The following SCAI variants were observed in gnomAD, a reference collection of about 807,000 sequenced individuals.
The protein encoded by SCAI is protein SCAI.
Under a neutral mutation model 92.2 loss-of-function variants are expected in SCAI, and 24 were observed. That is an observed-to-expected ratio of 0.26 (90% CI 0.19 to 0.37). SCAI has a LOEUF of 0.37. Ranked by LOEUF, SCAI falls within the 10% of genes least tolerant of loss-of-function variation. SCAI has a pLI of 1.00. For synonymous variants in SCAI, 261 were observed against 258.6 expected, an observed-to-expected ratio of 1.01 and a Z score of -0.09; for missense variants, 450 against 736.2, an observed-to-expected ratio of 0.61 and a Z score of 4.50.
intron 3 of SCAI, among the ~76,000 whole-genome samples, chr9:125,046,348 T>TGTGG: frequency 9.0e-6 from 1 of 111,464 alleles, no homozygotes; most frequent in African/African-American, 3.4e-5. Context: ...TATATGTGTG[T>TGTGG]GTGTGTATAT....
chr9:124,963,757 CAAAAAAA>C (rs36017738), intron 17 of SCAI, among the ~76,000 whole-genome samples: 99 of 52,282 alleles, frequency 1.9e-3, no homozygotes, highest in East Asian at 0.011. Context: ...GAATCTGTCT[CAAAAAAA>C]AAAAAAAAAA....
chr9:124,995,202 A>T (rs1356193014), intron 13 of SCAI, among the ~76,000 whole-genome samples, 187 bp from the exon 14 acceptor site: 1 of 152,212 alleles, frequency 6.6e-6, no homozygotes, highest in Non-Finnish European at 1.5e-5. Context: ...TTTGGAGAAA[A>T]AAAAAAAAGT....
chr9:125,021,603 A>T (rs1359871399), intron 6 of SCAI, among the ~76,000 whole-genome samples: 2 of 152,168 alleles, frequency 1.3e-5, no homozygotes, highest in African/African-American at 4.8e-5. Flanking sequence ...CCAATCATCA[A>T]TTCAAACCTG....
chr9:125,074,487 AC>A (rs1834047390), intron 2 of SCAI, among the ~76,000 whole-genome samples: 1 of 148,422 alleles, frequency 6.7e-6, no homozygotes. Context: ...CGAACTCCTG[AC>A]CTCAAGTGAT....
chr9:125,077,965 C>A (rs371005951), intron 2 of SCAI, among the ~76,000 whole-genome samples: 4 of 113,392 alleles, frequency 3.5e-5, no homozygotes, highest in African/African-American at 1.2e-4. Flanking sequence ...GTGATCCACA[C>A]CCCCCCCGCC....
chr9:125,088,805 T>A (rs1048276907), intron 2 of SCAI, among the ~76,000 whole-genome samples: 33 of 152,116 alleles, frequency 2.2e-4, no homozygotes, highest in African/African-American at 7.7e-4. Context: ...AAAAATAAAG[T>A]GCTTTTGAAA....
At chr9:125,108,674 G>A (rs1356515540) in intron 2 of SCAI, among the ~76,000 whole-genome samples, 4 of 145,410 alleles carry the variant, frequency 2.8e-5, no homozygotes, top group South Asian at 2.3e-4. Flanking sequence ...CCCTCCGCCC[G>A]GCAGCCGCCC....
intron 2 of SCAI, among the ~76,000 whole-genome samples, chr9:125,113,071 A>T (rs1052044172): frequency 6.6e-6 from 1 of 152,256 alleles, no homozygotes; most frequent in Non-Finnish European, 1.5e-5. Context: ...ATCTTCAAGG[A>T]AGTGGAACAC....
At chr9:125,031,929 G>A (rs1386689837) in intron 3 of SCAI, among the ~76,000 whole-genome samples, 1 of 151,718 alleles carries the variant, frequency 6.6e-6, no homozygotes, top group Non-Finnish European at 1.5e-5. Context: ...CTTCTATTTA[G>A]GGTTGCCAGA....
chr9:125,000,020 T>G (rs1468396087), intron 12 of SCAI, 30 bp from the exon 13 acceptor site: 16 of 1,119,412 alleles, frequency 1.4e-5, no homozygotes, highest in Non-Finnish European at 2.0e-5. Flanking sequence ...AATCCTAGAC[T>G]TCAGTTGAAG....
chr9:125,060,317 T>C (rs1016062787), intron 2 of SCAI, among the ~76,000 whole-genome samples: 4 of 151,150 alleles, frequency 2.6e-5, no homozygotes, highest in African/African-American at 9.7e-5. Context: ...TAAAGACATA[T>C]GGCCACATAA....
chr9:124,965,784 T>C (rs1831527570), intron 17 of SCAI, among the ~76,000 whole-genome samples: 1 of 152,238 alleles, frequency 6.6e-6, no homozygotes, highest in African/African-American at 2.4e-5. Context: ...TTTCTTGTAA[T>C]GTCATGACTT....
intron 1 of SCAI, among the ~76,000 whole-genome samples, chr9:125,142,889 G>A (rs1419529697): frequency 2.6e-5 from 4 of 151,238 alleles, no homozygotes; most frequent in Admixed American, 6.6e-5. Flanking sequence ...AATTCCCCCT[G>A]AGCTCAAACC....
At chr9:125,114,273 G>C (rs117416534) in intron 2 of SCAI, among the ~76,000 whole-genome samples, 5,787 of 152,194 alleles carry the variant, frequency 0.038, 142 homozygotes, top group South Asian at 0.063. Flanking sequence ...AATGCTATGT[G>C]AAAATTGTAT....
chr9:125,039,992 T>C (rs1739812252), intron 3 of SCAI, among the ~76,000 whole-genome samples: 1 of 152,182 alleles, frequency 6.6e-6, no homozygotes, highest in African/African-American at 2.4e-5. Flanking sequence ...ATAAAGTATA[T>C]AAAGCAAAAA....
At chr9:125,063,384 GAAAA>G (rs57488794) in intron 2 of SCAI, among the ~76,000 whole-genome samples, 1 of 99,624 alleles carries the variant, frequency 1.0e-5, no homozygotes. Context: ...CTCAAAGGAG[GAAAA>G]AAAAAAAAAA....
At chr9:124,997,808 A>ATG (rs1832269882) in intron 13 of SCAI, among the ~76,000 whole-genome samples, 1 of 150,902 alleles carries the variant, frequency 6.6e-6, no homozygotes, top group African/African-American at 2.4e-5. Flanking sequence ...CCCGGAAGGC[A>ATG]GAGGTTGCAG....
intron 2 of SCAI, among the ~76,000 whole-genome samples, chr9:125,100,783 T>A (rs1236072413): frequency 6.6e-6 from 1 of 152,042 alleles, no homozygotes; most frequent in Admixed American, 6.6e-5. Context: ...TAAGATGACA[T>A]CTAAGCAAAA....
At chr9:125,105,760 T>C (rs974716973) in intron 2 of SCAI, among the ~76,000 whole-genome samples, 1 of 152,148 alleles carries the variant, frequency 6.6e-6, no homozygotes, top group Non-Finnish European at 1.5e-5. Flanking sequence ...TCTCTCCTTA[T>C]AACTTTCCAA....
Sources: allele counts gnomAD v4.1 joint callset (sites outside exome capture counted in the v4.1 genomes callset), GRCh38; gene constraint gnomAD v4.1.1; transcripts MANE v1.5; gene names NCBI Gene and HGNC (gene_info 2026-07-23, HGNC 2026-07-21).